Variants in GRIP2 observed in about 807,000 individuals in gnomAD.
GRIP2 encodes glutamate receptor-interacting protein 2.
Under a neutral mutation model 108.3 loss-of-function variants are expected in GRIP2, and 58 were observed. The observed-to-expected ratio is 0.54, with a 90% CI of 0.43 to 0.67. GRIP2 has a LOEUF of 0.67. Ranked by LOEUF, GRIP2 falls within the 30% of genes least tolerant of loss-of-function variation. The pLI is 0.00. For missense variants in GRIP2, 1,278 were observed against 1,430.6 expected (o/e 0.89, Z 1.72); for synonymous variants, 586 against 598.2 (o/e 0.98, Z 0.30).
chr3:14,540,979 A>G (rs1485146502), upstream of GRIP2, among the ~76,000 whole-genome samples: 5 of 152,224 alleles, frequency 3.3e-5, no homozygotes, highest in African/African-American at 1.2e-4. The surrounding 1 kb of genome is among the most constrained non-coding windows in gnomAD (Gnocchi z 4.1). Flanking sequence ...TGTGAAGACC[A>G]AGTGAGCTGG....
chr3:14,589,751 C>A, the GRIP2 span, among the ~76,000 whole-genome samples: 1 of 151,268 alleles, frequency 6.6e-6, no homozygotes, highest in African/African-American at 2.4e-5. Flanking sequence ...CTACTTCCCC[C>A]ACAATCCCAC....
chr3:14,582,221 C>T, the GRIP2 span, among the ~76,000 whole-genome samples: 1 of 152,192 alleles, frequency 6.6e-6, no homozygotes, highest in Non-Finnish European at 1.5e-5. Flanking sequence ...GCAGGTATCC[C>T]ACTGTGGTTT....
the GRIP2 span, among the ~76,000 whole-genome samples, chr3:14,593,847 C>A: frequency 1.3e-5 from 2 of 152,188 alleles, no homozygotes; most frequent in South Asian, 4.1e-4. Context: ...AAGACACCCC[C>A]ACCCAGGCCC....
chr3:14,495,834 T>C (rs1693585866), intron 22 of GRIP2, among the ~76,000 whole-genome samples: 1 of 152,206 alleles, frequency 6.6e-6, no homozygotes, highest in Non-Finnish European at 1.5e-5. Flanking sequence ...TATATGTAAA[T>C]ATGTGTGTAT....
intron 22 of GRIP2, 100 bp downstream of exon 22, chr3:14,496,317 T>C: frequency 1.9e-6 from 2 of 1,041,444 alleles, no homozygotes; most frequent in Non-Finnish European, 2.7e-6. Context: ...TGGAGGAGAC[T>C]AAAGCCCTGA....
At chr3:14,533,881 A>G (rs1304118616) in intron 1 of GRIP2, among the ~76,000 whole-genome samples, 1 of 152,222 alleles carries the variant, frequency 6.6e-6, no homozygotes, top group Non-Finnish European at 1.5e-5. Context: ...CCCAGCTGTC[A>G]GAGACTTGAC....
chr3:14,582,330 T>C, the GRIP2 span, among the ~76,000 whole-genome samples: 3 of 152,318 alleles, frequency 2.0e-5, no homozygotes, highest in East Asian at 1.9e-4. Flanking sequence ...AGTTTTCTAT[T>C]GAGTTGTCTG....
Position 14,511,375 on chromosome 3 carries a change from T to C in GRIP2, c.1787+38A>G, listed in dbSNP as rs1286506290. 1.9e-6 allele frequency: 3 copies of C among 1,613,816 alleles called. No homozygotes were observed. The highest frequency in any genetic ancestry group is 1.3e-5 in the African/African-American group (1 of 74,928). On this transcript the variant is annotated intron_variant, in intron 15 of 23. Coordinates refer to ENST00000621039, the MANE Select transcript of GRIP2 (RefSeq NM_001080423.4). The surrounding 1 kb of genome is among the most constrained non-coding windows in gnomAD (Gnocchi z 4.1). ...TGCATGCAGGTGCCATACTCACTGC[T>C]GTTGGCCACTTCCCTTCCTGTGCCC...
the GRIP2 span, among the ~76,000 whole-genome samples, chr3:14,590,852 T>C: frequency 6.6e-6 from 1 of 152,084 alleles, no homozygotes; most frequent in African/African-American, 2.4e-5. Context: ...AAACCCAGGG[T>C]TGCCCGATCT....
In GRIP2 at chr3:14,494,825, C is replaced by A. The variant is rs763590923; in HGVS notation, c.2970+18G>T. 3.1e-6 allele frequency: 5 copies of A among 1,606,272 alleles called. No homozygotes were observed. The highest frequency in any genetic ancestry group is 4.3e-6 in the Non-Finnish European group (5 of 1,175,506). On this transcript the variant is annotated intron_variant, in intron 23 of 23. Coordinates refer to ENST00000621039, the MANE Select transcript of GRIP2 (RefSeq NM_001080423.4). ...AAACAATGCCACCCCCACTATGGAG[C>A]CCCTGCCCCAGCATTACCTGCAGGA...
rs1203040051 is a variant in GRIP2, at chr3:14,491,713, A to AG, written c.*1951dup. 8 of 152,420 alleles carry AG rather than the reference A, an allele frequency of 5.2e-5. No individual in the cohort carries two copies. The highest frequency in any genetic ancestry group is 1.7e-4 in the African/African-American group (7 of 41,450). The allele number at this position is 152,420 out of a possible 1,614,324, so 9.4% of individuals were successfully genotyped here. A position where few individuals can be genotyped will look rare whatever the true frequency, so the allele number is the denominator to read the frequency against. On this transcript the variant is annotated 3_prime_UTR_variant, in exon 24 of 24. Coordinates refer to ENST00000621039, the MANE Select transcript of GRIP2 (RefSeq NM_001080423.4). ...TTTTCCCAAGCCGAGAGGCCCTGAGAGTGTGTCCTGTCCAGCCCTGTTGCT... is the reference window on the plus strand; with the variant it reads ...TTTTCCCAAGCCGAGAGGCCCTGAGAGGTGTGTCCTGTCCAGCCCTGTTGCT...
the GRIP2 span, among the ~76,000 whole-genome samples, chr3:14,591,556 G>A: frequency 2.0e-5 from 3 of 151,996 alleles, no homozygotes; most frequent in Admixed American, 1.3e-4. Context: ...ATGCAACAGG[G>A]GCTTAATAAT....
intron 1 of GRIP2, among the ~76,000 whole-genome samples, chr3:14,527,379 A>AAAGGT: frequency 8.0e-6 from 1 of 124,478 alleles, no homozygotes; most frequent in Middle Eastern, 3.8e-3. Flanking sequence ...AAAGGAAAGG[A>AAAGGT]AAGGAAAGGA....
the GRIP2 span, among the ~76,000 whole-genome samples, chr3:14,601,066 T>TCACACA: frequency 6.6e-4 from 99 of 149,020 alleles, no homozygotes; most frequent in South Asian, 2.8e-3. Context: ...TCTCTCTCTC[T>TCACACA]CACACACACA....
At chr3:14,535,722 A>G (rs1180642379) in intron 1 of GRIP2, among the ~76,000 whole-genome samples, 1 of 152,252 alleles carries the variant, frequency 6.6e-6, no homozygotes, top group Non-Finnish European at 1.5e-5. Flanking sequence ...AGAGCTTCTA[A>G]GTGGCAGAGC....
chr3:14,516,598 G>A (rs958768577), intron 11 of GRIP2, among the ~76,000 whole-genome samples: 2 of 152,182 alleles, frequency 1.3e-5, no homozygotes, highest in African/African-American at 4.8e-5. Context: ...AGTAAGACTG[G>A]AAATTATTAC....
the GRIP2 span, among the ~76,000 whole-genome samples, chr3:14,584,710 G>C: frequency 6.6e-6 from 1 of 152,198 alleles, no homozygotes; most frequent in Non-Finnish European, 1.5e-5. Flanking sequence ...AAATAGAGCT[G>C]TTGGGAGCCC....
At chr3:14,552,694 G>C (rs150000511) in intron 1 of GRIP2, among the ~76,000 whole-genome samples, 56 of 150,032 alleles carry the variant, frequency 3.7e-4, no homozygotes, top group African/African-American at 1.3e-3. Context: ...CCAGGTTCAA[G>C]CGATTCTCTT....
chr3:14,568,100 A>G, the GRIP2 span, among the ~76,000 whole-genome samples: 1 of 152,206 alleles, frequency 6.6e-6, no homozygotes, highest in South Asian at 2.1e-4. Flanking sequence ...CAGACCACCA[A>G]GGGCCAGGTT....
Sources: gnomAD v4.1 joint callset for allele counts (sites outside exome capture counted in the v4.1 genomes callset) on GRCh38, gnomAD v4.1.1 for gene constraint, Gnocchi (gnomAD v3.1) non-coding constraint, MANE v1.5 for transcripts, NCBI Gene and HGNC (gene_info 2026-07-23, HGNC 2026-07-21) for gene names.